The following RBPJ variants were observed in gnomAD, a reference collection of about 807,000 sequenced individuals.
RBPJ encodes the protein recombining binding protein suppressor of hairless.
A neutral mutation model predicts 67.8 loss-of-function variants in RBPJ; 9 were observed. The observed-to-expected ratio is 0.13, with a 90% CI of 0.08 to 0.23. The LOEUF (loss-of-function observed/expected upper bound fraction) is 0.23, where lower values mean the gene tolerates loss of function less well. Among genes scored for constraint, RBPJ ranks in the 10% least tolerant of loss-of-function variants. The probability of loss-of-function intolerance (pLI) is 1.00; values close to 1 mark genes in which losing one functional copy is unlikely to be tolerated. For synonymous variants in RBPJ, 198 were observed against 203.3 expected, an observed-to-expected ratio of 0.97 and a Z score of 0.22; for missense variants, 305 against 595.6, an observed-to-expected ratio of 0.51 and a Z score of 5.08.
chr4:26,414,194 CAG>C lies in RBPJ; in HGVS notation c.156-1278_156-1277del, dbSNP rs887671187. Among the ~76,000 whole-genome samples the C allele has an allele frequency of 1.6e-3, 244 of 151,280 alleles. 1 individual carries two copies. Among genetic ancestry groups the C allele is most frequent in the African/African-American group, 5.7e-3 (234 of 41,130 alleles). On this transcript the variant is annotated intron_variant, in intron 3 of 10. Transcript: ENST00000355476. Reference sequence around the variant, plus strand: ...ATTCCTAATTTTTTTTTTTTTAAGACAGAGTCTCACTCTAACCCAAGCTGGAA... The same window carrying C: ...ATTCCTAATTTTTTTTTTTTTAAGACAGTCTCACTCTAACCCAAGCTGGAA...
At chr4:26,221,312 C>G (rs1009875893) in intron 1 of RBPJ, among the ~76,000 whole-genome samples, 2 of 152,052 alleles carry the variant, frequency 1.3e-5, no homozygotes, top group East Asian at 1.9e-4. Context: ...GGATGGTCTC[C>G]ATCTCCTGAC....
At chr4:26,175,810 C>T (rs1716775698) in intron 1 of RBPJ, among the ~76,000 whole-genome samples, 1 of 152,184 alleles carries the variant, frequency 6.6e-6, no homozygotes, top group African/African-American at 2.4e-5. Context: ...GTGTTTTGTA[C>T]TCTCTTACTG....
At chr4:26,269,416 C>T (rs956848720) in intron 1 of RBPJ, among the ~76,000 whole-genome samples, 1 of 151,826 alleles carries the variant, frequency 6.6e-6, no homozygotes, top group Non-Finnish European at 1.5e-5. Flanking sequence ...CCACCATGCC[C>T]AACTAATTTT....
At chr4:26,385,370 CTT>C (rs1246774791) in intron 1 of RBPJ, among the ~76,000 whole-genome samples, 1 of 152,092 alleles carries the variant, frequency 6.6e-6, no homozygotes, top group Non-Finnish European at 1.5e-5. Flanking sequence ...CTCAACAACT[CTT>C]TGAGGTAAGC....
the RBPJ span, among the ~76,000 whole-genome samples, chr4:26,118,113 C>T: frequency 6.6e-6 from 1 of 152,028 alleles, no homozygotes; most frequent in Admixed American, 6.6e-5. Context: ...CTATGTCCAC[C>T]ACTAAGATTC....
At chr4:26,384,233 A>G (rs569186215) in intron 1 of RBPJ, among the ~76,000 whole-genome samples, 1 of 152,294 alleles carries the variant, frequency 6.6e-6, no homozygotes, top group East Asian at 1.9e-4. Context: ...AACTTGGGTT[A>G]TTTGCCCATT....
At chr4:26,413,704 G>A (rs1734268149) in intron 3 of RBPJ, among the ~76,000 whole-genome samples, 1 of 152,188 alleles carries the variant, frequency 6.6e-6, no homozygotes, top group South Asian at 2.1e-4. Context: ...TGTAGAGGCT[G>A]AGGGGGAAGC....
chr4:26,275,775 C>T (rs1373463518), intron 1 of RBPJ, among the ~76,000 whole-genome samples: 1 of 151,978 alleles, frequency 6.6e-6, no homozygotes, highest in Non-Finnish European at 1.5e-5. Context: ...GGACTACAGG[C>T]GTGCACCACC....
chr4:26,315,711 A>G (rs2109310777), upstream of RBPJ, among the ~76,000 whole-genome samples: 2 of 152,226 alleles, frequency 1.3e-5, no homozygotes, highest in Non-Finnish European at 2.9e-5. Flanking sequence ...AGGGTACTGC[A>G]GGGGACCAGG....
intron 1 of RBPJ, among the ~76,000 whole-genome samples, chr4:26,255,341 T>A (rs1343134686): frequency 9.1e-6 from 1 of 109,706 alleles, no homozygotes. Flanking sequence ...GAGGCGGAGC[T>A]TGCAGTGAGC....
At chr4:26,315,335 C>T (rs546583941), upstream of RBPJ, among the ~76,000 whole-genome samples, 12 of 151,180 alleles carry the variant, frequency 7.9e-5, no homozygotes, top group East Asian at 7.8e-4. Flanking sequence ...ACTGGGCCGC[C>T]GGGGGTGACA....
chr4:26,186,482 T>C (rs944560850), intron 1 of RBPJ, among the ~76,000 whole-genome samples: 7 of 152,228 alleles, frequency 4.6e-5, no homozygotes, highest in East Asian at 1.9e-4. Context: ...CAAACTAGTC[T>C]GAAGGGCAAT....
At chr4:26,182,691 G>T (rs754489796) in intron 1 of RBPJ, among the ~76,000 whole-genome samples, 1 of 151,686 alleles carries the variant, frequency 6.6e-6, no homozygotes, top group Non-Finnish European at 1.5e-5. Context: ...AGAGATGGGG[G>T]TCTCATTATG....
At chr4:26,243,819 G>T (rs1485825156) in intron 1 of RBPJ, among the ~76,000 whole-genome samples, 1 of 152,090 alleles carries the variant, frequency 6.6e-6, no homozygotes, top group African/African-American at 2.4e-5. Flanking sequence ...CCTTGGCCAG[G>T]CACAGTGGAT....
In RBPJ at chr4:26,416,988, C is replaced by T. The variant is rs114701809; in HGVS notation, c.321+1348C>T. 5.9e-3 allele frequency among the ~76,000 whole-genome samples: 906 copies of T among 152,288 alleles called. 7 individuals are homozygous for T. Among genetic ancestry groups the T allele is most frequent in the African/African-American group, 0.02 (851 of 41,562 alleles). Reference sequence around the variant, plus strand: ...TCATCTTAAACCACTAAAACTATTTCTAAATTATGATCCCTGAGCTAAAGT... The same window carrying T: ...TCATCTTAAACCACTAAAACTATTTTTAAATTATGATCCCTGAGCTAAAGT... On this transcript the variant is annotated intron_variant, in intron 4 of 10. Transcript: ENST00000355476.
chr4:26,180,090 C>T (rs1036627315), intron 1 of RBPJ, among the ~76,000 whole-genome samples: 4 of 152,046 alleles, frequency 2.6e-5, no homozygotes, highest in Admixed American at 6.6e-5. Flanking sequence ...CCAAATACTG[C>T]GTGTTCTGAC....
At chr4:26,274,704 G>A (rs555685268) in intron 1 of RBPJ, among the ~76,000 whole-genome samples, 4 of 152,244 alleles carry the variant, frequency 2.6e-5, no homozygotes, top group African/African-American at 9.6e-5. Context: ...GGGAGGCTGA[G>A]GCTGGTGGAT....
intron 1 of RBPJ, among the ~76,000 whole-genome samples, chr4:26,296,146 G>A (rs1046321869): frequency 6.6e-6 from 1 of 152,122 alleles, no homozygotes; most frequent in Non-Finnish European, 1.5e-5. Context: ...GGCAATTTCT[G>A]TAATTACCAG....
intron 2 of RBPJ, among the ~76,000 whole-genome samples, chr4:26,388,744 T>C (rs1346402985): frequency 6.6e-6 from 1 of 152,170 alleles, no homozygotes; most frequent in Admixed American, 6.6e-5. Flanking sequence ...CAATAGATAC[T>C]ATCTAAAATG....
Sources: gnomAD v4.1 joint callset for allele counts (sites outside exome capture counted in the v4.1 genomes callset) on GRCh38, gnomAD v4.1.1 for gene constraint, MANE v1.5 for transcripts, NCBI Gene and HGNC (gene_info 2026-07-23, HGNC 2026-07-21) for gene names.